Variants in ORC4 observed in about 807,000 individuals in gnomAD.
ORC4 encodes origin recognition complex subunit 4, also known as origin recognition complex, subunit 4 homolog.
A neutral mutation model predicts 63.9 loss-of-function variants in ORC4; 55 were observed. That is an observed-to-expected ratio of 0.86 (90% CI 0.69 to 1.08). The LOEUF is 1.08. Among genes scored for constraint, ORC4 ranks in the 50% least tolerant of loss-of-function variants. The pLI, the probability that ORC4 is intolerant of heterozygous loss-of-function variation, is 0.00. For synonymous variants in ORC4, 150 were observed against 168.5 expected (o/e 0.89, Z 0.85); for missense variants, 511 against 504.4 (o/e 1.01, Z -0.13).
At chr2:147,946,377 A>G (rs568347063) in intron 9 of ORC4, among the ~76,000 whole-genome samples, 1 of 152,188 alleles carries the variant, frequency 6.6e-6, no homozygotes, top group East Asian at 1.9e-4. Flanking sequence ...CCAGAAAAAC[A>G]TACTGGTGGA....
At chr2:147,961,571 A>G (rs1183231286) in intron 4 of ORC4, among the ~76,000 whole-genome samples, 2 of 152,212 alleles carry the variant, frequency 1.3e-5, no homozygotes, top group East Asian at 3.9e-4. Context: ...ACAAATTACA[A>G]AAGTAGCACA....
At chr2:148,021,532 G>C (rs1204195595), upstream of ORC4, 2 of 564,116 alleles carry the variant, frequency 3.5e-6, no homozygotes, top group Admixed American at 2.2e-5. Flanking sequence ...GCTTGGCCCT[G>C]GCTGGAGACA....
At chr2:147,947,961 T>A in intron 9 of ORC4, 90 bp downstream of exon 9, 1 of 990,750 alleles carries the variant, frequency 1.0e-6, no homozygotes, top group Non-Finnish European at 1.6e-6. Context: ...TTAGAAACTT[T>A]GTGTTAATTT....
chr2:147,977,675 G>T (rs1263803325), intron 1 of ORC4, among the ~76,000 whole-genome samples: 1 of 152,136 alleles, frequency 6.6e-6, no homozygotes, highest in African/African-American at 2.4e-5. Flanking sequence ...TGTTACCAGG[G>T]GCTGTAGCAG....
chr2:147,976,377 T>A (rs1444607241), intron 1 of ORC4, among the ~76,000 whole-genome samples: 3 of 152,214 alleles, frequency 2.0e-5, no homozygotes, highest in East Asian at 3.8e-4. Flanking sequence ...ACTGCACACT[T>A]AGTAGACTAG....
At chr2:147,965,913 TA>T (rs1420299927) in intron 4 of ORC4, among the ~76,000 whole-genome samples, 2 of 152,012 alleles carry the variant, frequency 1.3e-5, no homozygotes, top group Non-Finnish European at 2.9e-5. Context: ...ATATCGATAA[TA>T]AAAACAACTG....
chr2:147,935,419 G>C lies in ORC4; in HGVS notation c.*91C>G, dbSNP rs17232050. ...TCACATAAATACAAGAATGTTTATA[G>C]AATGTTTAGCATATCATGTTAATGG... On this transcript the variant is annotated 3_prime_UTR_variant, in exon 14 of 14. Transcript: ENST00000392857. 1 of 944,806 alleles carries C rather than the reference G, an allele frequency of 1.1e-6. No individual in the cohort carries two copies. Among genetic ancestry groups the C allele is most frequent in the Non-Finnish European group, 1.7e-6 (1 of 583,586 alleles). The allele number at this position is 944,806 out of a possible 1,614,324, so 58.5% of individuals were successfully genotyped here.
intron 4 of ORC4, among the ~76,000 whole-genome samples, chr2:147,963,617 T>C (rs1428059481): frequency 1.3e-5 from 2 of 152,184 alleles, no homozygotes; most frequent in African/African-American, 2.4e-5. Context: ...GAGTTGTTCC[T>C]GGCAAACATT....
At chr2:147,999,294 T>G (rs1340519536) in intron 1 of ORC4, among the ~76,000 whole-genome samples, 1 of 152,062 alleles carries the variant, frequency 6.6e-6, no homozygotes, top group Admixed American at 6.6e-5. Flanking sequence ...GGTGAGGGTA[T>G]CAGACAAAAA....
In ORC4 at chr2:147,987,413, A is replaced by AC. The variant is rs1558863669; in HGVS notation, c.-17-11439_-17-11438insG. ...ATATACACACACACACACACACACA[A>AC]AAAGTAACATATTTTAAATTATTTT... On this transcript the variant is annotated intron_variant, in intron 1 of 13. Transcript: ENST00000392857. Among the ~76,000 whole-genome samples the AC allele has an allele frequency of 2.1e-3, 288 of 140,386 alleles. 1 individual carries two copies. The highest frequency in any genetic ancestry group is 4.8e-3 in the South Asian group (21 of 4,384). The allele number at this position is 140,386 out of a possible 152,430, so 92.1% of individuals were successfully genotyped here.
intron 1 of ORC4, among the ~76,000 whole-genome samples, chr2:147,987,357 GAT>G (rs150764325): frequency 9.1e-6 from 1 of 109,974 alleles, no homozygotes; most frequent in South Asian, 3.3e-4. Flanking sequence ...TCCATATATA[GAT>G]ATATATATGT....
intron 1 of ORC4, among the ~76,000 whole-genome samples, chr2:148,019,594 C>CA (rs1693556463): frequency 6.6e-6 from 1 of 152,088 alleles, no homozygotes; most frequent in Non-Finnish European, 1.5e-5. Flanking sequence ...CGTCTCAAAA[C>CA]AAAAAACAAA....
At chr2:147,967,621 T>C (rs952381182) in intron 4 of ORC4, among the ~76,000 whole-genome samples, 3 of 151,750 alleles carry the variant, frequency 2.0e-5, no homozygotes, top group Non-Finnish European at 4.4e-5. Context: ...CAAGGAAAAC[T>C]ACAAAGCACT....
chr2:147,984,070 C>A (rs1392664880), intron 1 of ORC4, among the ~76,000 whole-genome samples: 1 of 152,132 alleles, frequency 6.6e-6, no homozygotes, highest in African/African-American at 2.4e-5. Flanking sequence ...GGAATCAAAG[C>A]AAATGGTTGA....
intron 4 of ORC4, among the ~76,000 whole-genome samples, chr2:147,965,438 T>C (rs1206910553): frequency 2.0e-5 from 3 of 151,044 alleles, no homozygotes; most frequent in East Asian, 1.9e-4. Flanking sequence ...AGATATCCTA[T>C]GAAAATGGAA....
intron 1 of ORC4, among the ~76,000 whole-genome samples, chr2:147,978,590 T>C (rs1244663746): frequency 6.6e-6 from 1 of 152,170 alleles, no homozygotes; most frequent in Non-Finnish European, 1.5e-5. Context: ...GGGTCCGCAG[T>C]TGGGACTGAG....
chr2:147,973,587 A>C, intron 2 of ORC4, 63 bp from the exon 3 acceptor site: 1 of 936,172 alleles, frequency 1.1e-6, no homozygotes, highest in Non-Finnish European at 1.7e-6. Flanking sequence ...AAAATAAATA[A>C]GAAAGCACAT....
chr2:148,021,408 G>A (rs1227149027), upstream of ORC4: 1 of 526,006 alleles, frequency 1.9e-6, no homozygotes, highest in Non-Finnish European at 3.7e-6. Flanking sequence ...GCCGTGAGAG[G>A]AGGAGAGAAA....
At chr2:147,987,159 CT>C (rs896184872) in intron 1 of ORC4, among the ~76,000 whole-genome samples, 3 of 148,298 alleles carry the variant, frequency 2.0e-5, no homozygotes, top group Admixed American at 1.4e-4. Context: ...CAGCTTGAAA[CT>C]TTTTTTAACC....
Sources: gnomAD v4.1 joint callset for allele counts (sites outside exome capture counted in the v4.1 genomes callset) on GRCh38, gnomAD v4.1.1 for gene constraint, MANE v1.5 for transcripts, NCBI Gene and HGNC (gene_info 2026-07-23, HGNC 2026-07-21) for gene names.